Variants in NELL2 observed in about 807,000 individuals in gnomAD.
NELL2 encodes the protein neural EGFL like 2, also known as protein kinase C-binding protein NELL2.
Under a neutral mutation model 109.6 loss-of-function variants are expected in NELL2, and 41 were observed. That is an observed-to-expected ratio of 0.37 (90% CI 0.29 to 0.49). NELL2 has a LOEUF of 0.49. Ranked by LOEUF, NELL2 falls within the 20% of genes least tolerant of loss-of-function variation. The pLI is 0.98. For missense variants in NELL2, 900 were observed against 1,008.3 expected (o/e 0.89, Z 1.45); for synonymous variants, 355 against 344.7 (o/e 1.03, Z -0.33).
intron 3 of NELL2, among the ~76,000 whole-genome samples, chr12:44,796,653 C>T (rs1253971333): frequency 2.0e-5 from 3 of 151,922 alleles, no homozygotes; most frequent in Non-Finnish European, 2.9e-5. Context: ...CTAATAATAA[C>T]ACTACTACAA....
At chr12:44,876,425 G>A (rs550711273), upstream of NELL2, 6 of 1,279,154 alleles carry the variant, frequency 4.7e-6, no homozygotes, top group Admixed American at 2.1e-4. Flanking sequence ...CGAGGCCGGC[G>A]CTCAGCGTCG....
At chr12:44,800,603 T>C (rs1592561202) in intron 3 of NELL2, among the ~76,000 whole-genome samples, 1 of 152,318 alleles carries the variant, frequency 6.6e-6, no homozygotes, top group South Asian at 2.1e-4. Flanking sequence ...AGTGAGTAAG[T>C]GACTCTCAAA....
chr12:44,598,883 ACTCT>A lies in NELL2; in HGVS notation c.1663+8282_1663+8285del, dbSNP rs71459071. Among the ~76,000 whole-genome samples the A allele has an allele frequency of 6.0e-3, 866 of 143,962 alleles. 6 individuals carry two copies. The highest frequency in any genetic ancestry group is 0.011 in the Admixed American group (165 of 14,396). 94.4% of individuals were successfully genotyped at this position (143,962 alleles called of 152,430 possible). On this transcript the variant is annotated intron_variant, in intron 15 of 19. Transcript: ENST00000429094. ...CACACACACACACACACACACACACACTCTCTCTCTCTCTCTCTCTCTCTCTCAC... is the reference window on the plus strand; with the variant it reads ...CACACACACACACACACACACACACACTCTCTCTCTCTCTCTCTCTCTCAC...
chr12:44,794,733 C>T (rs570585360), intron 3 of NELL2, among the ~76,000 whole-genome samples: 72 of 152,190 alleles, frequency 4.7e-4, no homozygotes, highest in Non-Finnish European at 9.0e-4. Flanking sequence ...ATAAAATGTA[C>T]CAACATTTTA....
intron 1 of NELL2, among the ~76,000 whole-genome samples, chr12:44,900,925 G>A (rs1360582310): frequency 6.6e-6 from 1 of 152,096 alleles, no homozygotes; most frequent in African/African-American, 2.4e-5. Flanking sequence ...GGAGACAAAG[G>A]TTGCAGTGAG....
chr12:44,918,512 C>T (rs1439162615), upstream of NELL2, among the ~76,000 whole-genome samples: 2 of 113,302 alleles, frequency 1.8e-5, no homozygotes, highest in East Asian at 3.2e-4. Context: ...TTCATGCATG[C>T]ATGTATGTGT....
chr12:44,824,713 CTTT>C (rs1159134863), intron 2 of NELL2, among the ~76,000 whole-genome samples: 1 of 132,552 alleles, frequency 7.5e-6, no homozygotes, highest in Non-Finnish European at 1.6e-5. Flanking sequence ...ATTTTATTTA[CTTT>C]TTTTTTTTTT....
chr12:44,862,932 A>G (rs1284343345), intron 2 of NELL2, among the ~76,000 whole-genome samples: 1 of 152,200 alleles, frequency 6.6e-6, no homozygotes, highest in Non-Finnish European at 1.5e-5. Context: ...AGAGACAAGT[A>G]AAAAAGCATA....
chr12:44,611,548 C>T (rs892483255), intron 13 of NELL2, among the ~76,000 whole-genome samples: 5 of 152,086 alleles, frequency 3.3e-5, no homozygotes, highest in Non-Finnish European at 5.9e-5. Context: ...TATTAAAAGA[C>T]AAACTTGCTT....
At chr12:44,686,599 G>A (rs1948724444) in intron 12 of NELL2, among the ~76,000 whole-genome samples, 1 of 151,698 alleles carries the variant, frequency 6.6e-6, no homozygotes, top group African/African-American at 2.4e-5. Context: ...TTTTGGTGTG[G>A]ATGTCCTTTC....
chr12:44,876,406 C>G, upstream of NELL2: 2 of 1,264,390 alleles, frequency 1.6e-6, no homozygotes, highest in Non-Finnish European at 2.0e-6. Flanking sequence ...AGGGAGGGGC[C>G]GCCGAGGGCG....
intron 9 of NELL2, among the ~76,000 whole-genome samples, chr12:44,736,967 C>T (rs920583115): frequency 9.2e-5 from 14 of 151,712 alleles, no homozygotes; most frequent in Admixed American, 4.6e-4. Context: ...TAAATATTCT[C>T]GTATTTGTTT....
chr12:44,714,129 T>A (rs1296777786), intron 10 of NELL2, among the ~76,000 whole-genome samples: 1 of 152,066 alleles, frequency 6.6e-6, no homozygotes, highest in East Asian at 1.9e-4. Context: ...TTCAAATGAA[T>A]CACATTTGCT....
At chr12:44,818,169 T>C (rs1943415769) in intron 2 of NELL2, among the ~76,000 whole-genome samples, 1 of 152,184 alleles carries the variant, frequency 6.6e-6, no homozygotes, top group Non-Finnish European at 1.5e-5. Flanking sequence ...ACAACATTCC[T>C]CTTAGCTCCA....
At chr12:44,887,823 A>C (rs527649878) in intron 1 of NELL2, among the ~76,000 whole-genome samples, 1 of 152,044 alleles carries the variant, frequency 6.6e-6, no homozygotes, top group East Asian at 1.9e-4. Flanking sequence ...GCTGTGCAGA[A>C]GATTTTTAGC....
At chr12:44,579,206 T>A (rs1456503184) in intron 15 of NELL2, among the ~76,000 whole-genome samples, 1 of 152,194 alleles carries the variant, frequency 6.6e-6, no homozygotes, top group African/African-American at 2.4e-5. Flanking sequence ...CACTTTAGAT[T>A]CAAACACATG....
intron 15 of NELL2, among the ~76,000 whole-genome samples, chr12:44,603,886 T>C (rs1945305491): frequency 6.6e-6 from 1 of 152,158 alleles, no homozygotes; most frequent in Non-Finnish European, 1.5e-5. Context: ...TATTATTTCA[T>C]CCTCAGTGAT....
chr12:44,591,844 T>A (rs1027141569), intron 15 of NELL2, among the ~76,000 whole-genome samples: 1 of 152,202 alleles, frequency 6.6e-6, no homozygotes, highest in African/African-American at 2.4e-5. Context: ...TTAGACATTG[T>A]ATACATGTAT....
intron 16 of NELL2, among the ~76,000 whole-genome samples, chr12:44,530,958 A>G (rs1038311749): frequency 3.3e-5 from 5 of 152,188 alleles, no homozygotes; most frequent in Non-Finnish European, 7.3e-5. Context: ...TTTGAGAGTA[A>G]TTTGTTAGGC....
Sources: allele counts gnomAD v4.1 joint callset (sites outside exome capture counted in the v4.1 genomes callset), GRCh38; gene constraint gnomAD v4.1.1; transcripts MANE v1.5; gene names NCBI Gene and HGNC (gene_info 2026-07-23, HGNC 2026-07-21).